Variants in C11orf65 observed in about 807,000 individuals in gnomAD.
C11orf65 encodes protein MFI.
In C11orf65, 38 loss-of-function variants were observed where a neutral mutation model predicts 35.3. That is an observed-to-expected ratio of 1.08 (90% CI 0.83 to 1.41). The LOEUF is 1.41. Among genes scored for constraint, C11orf65 ranks in the 40% most tolerant of loss-of-function variants. The pLI is 0.00. For synonymous variants in C11orf65, 105 were observed against 114.4 expected (o/e 0.92, Z 0.53); for missense variants, 370 against 367.1 (o/e 1.01, Z -0.06).
chr11:108,332,708 A>G lies in C11orf65; in HGVS notation c.300-1141T>C, dbSNP rs1018780211. 3.2e-6 allele frequency: 5 copies of G among 1,570,144 alleles called. No individual in the cohort carries two copies. In the African/African-American group the frequency reaches 4.1e-5, roughly 13 times the overall value. On this transcript the variant is annotated intron_variant, in intron 3 of 3. Transcript: ENST00000524755. ...TTCTCTTTGTTTTTCTAACTCTGAG[A>G]AGTTTAAATGTTGGGTAGTTCCTTA...
chr11:108,439,772 A>G (rs1040720794), intron 2 of C11orf65, among the ~76,000 whole-genome samples: 4 of 152,204 alleles, frequency 2.6e-5, no homozygotes, highest in African/African-American at 9.7e-5. Flanking sequence ...GAAAATTCAC[A>G]GAGACACAAA....
chr11:108,456,735 C>T (rs1028547569), intron 2 of C11orf65, among the ~76,000 whole-genome samples: 2 of 149,956 alleles, frequency 1.3e-5, no homozygotes, highest in Non-Finnish European at 3.0e-5. Context: ...TGTGATCATG[C>T]AACTGCACTC....
At chr11:108,395,326 A>T (rs1037689281) in intron 6 of C11orf65, among the ~76,000 whole-genome samples, 3 of 150,892 alleles carry the variant, frequency 2.0e-5, no homozygotes, top group African/African-American at 7.3e-5. Context: ...ACCTGTCTCT[A>T]CAATTTTTTT....
chr11:108,427,622 T>A (rs1248540205), intron 3 of C11orf65, among the ~76,000 whole-genome samples: 1 of 134,308 alleles, frequency 7.4e-6, no homozygotes, highest in African/African-American at 2.8e-5. Flanking sequence ...CACGGGAGGC[T>A]GAGGCAGGAG....
intron 2 of C11orf65, among the ~76,000 whole-genome samples, chr11:108,454,352 G>A (rs1000124162): frequency 6.7e-6 from 1 of 149,216 alleles, no homozygotes; most frequent in African/African-American, 2.5e-5. Flanking sequence ...AGGCTGGGGT[G>A]CAATGGCATG....
intron 6 of C11orf65, chr11:108,310,114 T>C (rs776492831): frequency 8.2e-6 from 13 of 1,578,380 alleles, no homozygotes; most frequent in Admixed American, 1.7e-5. Flanking sequence ...TATTTTGATA[T>C]TGAAGTTTAA....
intron 2 of C11orf65, among the ~76,000 whole-genome samples, chr11:108,451,530 TC>T (rs1461238824): frequency 6.6e-6 from 1 of 151,840 alleles, no homozygotes; most frequent in Admixed American, 6.6e-5. Context: ...GGAAGAACAT[TC>T]CATGCTCATG....
At chr11:108,437,989 T>A (rs183491677) in intron 2 of C11orf65, among the ~76,000 whole-genome samples, 38 of 152,218 alleles carry the variant, frequency 2.5e-4, no homozygotes, top group Admixed American at 1.4e-3. Context: ...GAGCCATACT[T>A]CCGGATTTCA....
intron 3 of C11orf65, among the ~76,000 whole-genome samples, 187 bp from the exon 4 acceptor site, chr11:108,407,336 G>C (rs1591485794): frequency 6.6e-6 from 1 of 152,014 alleles, no homozygotes; most frequent in East Asian, 1.9e-4. Flanking sequence ...TTTTGAGATG[G>C]GATTTCACTC....
At chr11:108,346,048 T>C (rs2088340842) in intron 2 of C11orf65, 1 of 896,152 alleles carries the variant, frequency 1.1e-6, no homozygotes, top group Non-Finnish European at 1.8e-6. Flanking sequence ...CCCATCTTCA[T>C]TATTAAATCA....
chr11:108,460,361 C>T (rs999560420), intron 2 of C11orf65, among the ~76,000 whole-genome samples: 5 of 152,164 alleles, frequency 3.3e-5, no homozygotes, highest in African/African-American at 1.2e-4. Flanking sequence ...TACCTCTTGG[C>T]TCTCACCCAA....
chr11:108,446,427 G>T lies in C11orf65; in HGVS notation c.82-14589C>A, dbSNP rs548676207. The stretch of plus-strand genomic sequence containing the variant: ...AAGGGAAGCCCATCAGACTAACAGC[G>T]GATCTCTCAGCAGAAACTCTACAAG... On this transcript the variant is annotated intron_variant, in intron 2 of 8. Transcript: ENST00000393084. Among the ~76,000 whole-genome samples the T allele has an allele frequency of 1.7e-3, 240 of 144,646 alleles. 2 individuals carry two copies. The highest frequency in any genetic ancestry group is 5.9e-3 in the African/African-American group (228 of 38,548). The allele number at this position is 144,646 out of a possible 152,430, so 94.9% of individuals were successfully genotyped here.
chr11:108,330,005 T>C (rs955816880), downstream of C11orf65, among the ~76,000 whole-genome samples: 1 of 152,176 alleles, frequency 6.6e-6, no homozygotes, highest in Admixed American at 6.5e-5. Context: ...TTGGGGAGAG[T>C]CCCCTTTGTC....
chr11:108,456,485 T>C (rs968262033), intron 2 of C11orf65, among the ~76,000 whole-genome samples: 1 of 151,960 alleles, frequency 6.6e-6, no homozygotes, highest in Non-Finnish European at 1.5e-5. Context: ...GCACTAACCA[T>C]GAAGAAAAAG....
In C11orf65 at chr11:108,409,713, C is replaced by T. The variant is rs538430323; in HGVS notation, c.175-2564G>A. 9.7e-4 allele frequency among the ~76,000 whole-genome samples: 148 copies of T among 152,144 alleles called. 1 individual carries two copies. The highest frequency in any genetic ancestry group is 2.1e-3 in the African/African-American group (89 of 41,520). On this transcript the variant is annotated intron_variant, in intron 3 of 8. Transcript: ENST00000393084. ...ACTGGGCCACACAGCAGGAGGTGAG[C>T]GGCAGGAGCATTACTGCCTGAGCTC...
rs1479339581 is a variant in C11orf65 at position 108,326,118 on chromosome 11, G to A, written c.641-17047C>T. The stretch of plus-strand genomic sequence containing the variant: ...CAATTCAGTTAGCTGTGGAGTCTCT[G>A]AGTGGCAGCTGGAAGAAGCACAAGT... On this transcript the variant is annotated intron_variant, in intron 6 of 6. Coordinates refer to the C11orf65 transcript ENST00000525729. The A allele has an allele frequency of 6.2e-7, 1 of 1,614,036 alleles. No homozygotes were observed. The highest frequency in any genetic ancestry group is 8.5e-7 in the Non-Finnish European group (1 of 1,180,030).
At chr11:108,415,626 GA>G (rs2092718921) in intron 3 of C11orf65, among the ~76,000 whole-genome samples, 3 of 152,072 alleles carry the variant, frequency 2.0e-5, no homozygotes, top group African/African-American at 4.8e-5. Flanking sequence ...ATTTTAAGTG[GA>G]AAGGCAAAAG....
rs547614425 is a variant in C11orf65 at position 108,404,116 on chromosome 11, T to C, written c.560+1313A>G. ...CCTGACCATCCAGTCAAACCATCCA[T>C]CAATCACCATCCATCTATAGATCTA... On this transcript the variant is annotated intron_variant, in intron 6 of 8. Coordinates refer to ENST00000393084, the MANE Select transcript of C11orf65 (RefSeq NM_152587.5). Among the ~76,000 whole-genome samples, 4 of 152,282 alleles carry C rather than the reference T, an allele frequency of 2.6e-5. No homozygotes were observed. The South Asian group carries it at 6.2e-4, about 24-fold the overall frequency.
At chr11:108,355,018 A>G in intron 2 of C11orf65, 1 of 713,208 alleles carries the variant, frequency 1.4e-6, no homozygotes, top group Non-Finnish European at 2.4e-6. Context: ...GAGATTGTGC[A>G]CTTAGCCTTT....
Sources: allele counts gnomAD v4.1 joint callset (sites outside exome capture counted in the v4.1 genomes callset), GRCh38; gene constraint gnomAD v4.1.1; transcripts MANE v1.5; gene names NCBI Gene and HGNC (gene_info 2026-07-23, HGNC 2026-07-21).